LRRC43: variants seen among roughly 807,000 people sequenced by gnomAD.
The protein encoded by LRRC43 is leucine-rich repeat-containing protein 43.
LRRC43 carries 62 observed loss-of-function variants against 64.3 expected under a neutral mutation model. The observed-to-expected ratio is 0.96, with a 90% CI of 0.79 to 1.19. LRRC43 has a LOEUF of 1.19. Among genes scored for constraint, LRRC43 ranks in the 50% most tolerant of loss-of-function variants. The probability of loss-of-function intolerance (pLI) is 0.00; values close to 1 mark genes in which losing one functional copy is unlikely to be tolerated. For missense variants in LRRC43, 868 were observed against 845.0 expected, an observed-to-expected ratio of 1.03 and a Z score of -0.34; for synonymous variants, 422 against 382.3, an observed-to-expected ratio of 1.10 and a Z score of -1.21.
In LRRC43 at chr12:122,200,165, C is replaced by G. The variant is rs748784346; in HGVS notation, c.1350-24C>G. ...CACAGCCCCTGGGTGACGGCACCCC[C>G]GTCTTCATCCCTCCCTCCCCAAGGA... is the stretch of plus-strand genomic sequence containing the variant. On this transcript the variant is annotated intron_variant, in intron 7 of 11. Transcript: ENST00000339777. The surrounding 1 kb of genome is among the most constrained non-coding windows in gnomAD (Gnocchi z 4.6). The G allele has an allele frequency of 1.2e-6, 2 of 1,608,514 alleles. No individual in the cohort carries two copies. The highest frequency in any genetic ancestry group is 1.7e-6 in the Non-Finnish European group (2 of 1,177,074).
rs1953491579 is a variant in LRRC43, at chr12:122,172,240, A to C, written c.-406+4458A>C. 3 of 581,672 alleles carry C rather than the reference A, an allele frequency of 5.2e-6. No homozygotes were observed. In the East Asian group the frequency reaches 8.6e-5, roughly 17 times the overall value. 36.0% of individuals were successfully genotyped at this position (581,672 alleles called of 1,614,324 possible). A position where few individuals can be genotyped will look rare whatever the true frequency, so the allele number is the denominator to read the frequency against. On this transcript the variant is annotated intron_variant, in intron 1 of 5. Transcript: ENST00000537729. ...ACAATAACCTAATGTTTTTCAAGGT[A>C]ATTCACAAATTCACATCTCAGCCCT...
rs779702868 is a variant in LRRC43, at chr12:122,187,716, G to A, written c.538G>A (p.Gly180Ser). Residue 180 changes from glycine (G) to serine (S), a missense_variant, in exon 4 of 12, where the codon GGC becomes AGC. Transcript: ENST00000339777. Reference sequence around the variant, plus strand: ...GGTCTCCCAGGTGCTGGAGCTCTACGGCAATGAGATCAGCAGCATGGAGTG... The same window carrying A: ...GGTCTCCCAGGTGCTGGAGCTCTACAGCAATGAGATCAGCAGCATGGAGTG... ...PPTLKVLELY[G>S]NEISSMECLC... 31 of 1,613,556 alleles carry A rather than the reference G, an allele frequency of 1.9e-5. No homozygotes were observed. The East Asian group carries it at 3.8e-4, about 20-fold the overall frequency.
In LRRC43 at chr12:122,184,071, A is replaced by C. The variant is rs181303545; in HGVS notation, c.151-448A>C. On this transcript the variant is annotated intron_variant, in intron 1 of 11. Transcript: ENST00000339777. This position sits in a 1 kb window ranked among gnomAD's most constrained non-coding sequence, Gnocchi z 4.0. ...ATATCCATGGCTAATAATCCATCAA[A>C]ATTATTGATTATTCACTGTCTAGAT... Among the ~76,000 whole-genome samples the C allele has an allele frequency of 4.9e-4, 75 of 151,552 alleles. No individual in the cohort carries two copies. In the Middle Eastern group the frequency reaches 0.01, roughly 21 times the overall value.
In LRRC43 at chr12:122,200,509, C is replaced by T. The variant is rs763191519; in HGVS notation, c.1492-23C>T. 8.1e-6 allele frequency: 13 copies of T among 1,613,766 alleles called. No homozygotes were observed. In the Admixed American group the frequency reaches 1.0e-4, roughly 12 times the overall value. On this transcript the variant is annotated intron_variant, in intron 8 of 11. Transcript: ENST00000339777. The surrounding 1 kb of genome is among the most constrained non-coding windows in gnomAD (Gnocchi z 4.6). ...CAGCCCGCCTGGGCCTCTGCTCACTCGAGGATTCTCTCCTGCCCCTAGATT... is the reference window on the plus strand; with the variant it reads ...CAGCCCGCCTGGGCCTCTGCTCACTTGAGGATTCTCTCCTGCCCCTAGATT...
chr12:122,185,890 G>A (rs1953637691), intron 2 of LRRC43, among the ~76,000 whole-genome samples: 1 of 152,168 alleles, frequency 6.6e-6, no homozygotes, highest in Non-Finnish European at 1.5e-5. Context: ...GTGGCTCTGG[G>A]GTAGACAGAA....
chr12:122,174,103 C>T, intron 1 of LRRC43: 1 of 1,613,974 alleles, frequency 6.2e-7, no homozygotes, highest in South Asian at 1.1e-5. Flanking sequence ...CCAGAATCTT[C>T]CTGGTGAGAT....
intron 1 of LRRC43, among the ~76,000 whole-genome samples, chr12:122,171,716 G>A (rs1953486813): frequency 6.6e-6 from 1 of 151,510 alleles, no homozygotes; most frequent in Non-Finnish European, 1.5e-5. Flanking sequence ...TGTACCACCA[G>A]GGTCATTATT....
chr12:122,183,015 C>T, upstream of LRRC43: 2 of 1,366,302 alleles, frequency 1.5e-6, no homozygotes, highest in African/African-American at 3.1e-5. Flanking sequence ...GAAGAGAAAA[C>T]GCAGGTGGTT....
At position 122,184,692 on chromosome 12, in the gene LRRC43, G is replaced by C; in HGVS notation, c.324G>C (p.Leu108=). The C allele has an allele frequency of 6.2e-7, 1 of 1,613,944 alleles. No homozygotes were observed. The highest frequency in any genetic ancestry group is 8.5e-7 in the Non-Finnish European group (1 of 1,179,878). ...LNNSNAEDSF[L]RELAIRNPLT... The stretch of plus-strand genomic sequence containing the variant: ...ACTCGAATGCAGAAGACAGTTTCCT[G>C]AGAGAATTGGCCATCCGGAACCCGC... The change falls in exon 2 of 12, where the codon CTG becomes CTC. Residue 108 remains leucine, a synonymous_variant. Coordinates refer to ENST00000339777, the MANE Select transcript of LRRC43 (RefSeq NM_001098519.2). The surrounding 1 kb of genome is among the most constrained non-coding windows in gnomAD (Gnocchi z 4.0).
rs188803619 is a variant in LRRC43, at chr12:122,171,239, A to C, written c.-406+3457A>C. Among the ~76,000 whole-genome samples the C allele has an allele frequency of 3.9e-5, 6 of 152,354 alleles. No homozygotes were observed. In the East Asian group the frequency reaches 1.2e-3, roughly 29 times the overall value. On this transcript the variant is annotated intron_variant, in intron 1 of 5. Coordinates refer to the LRRC43 transcript ENST00000537729. ...AAGCCTGAGTAAGGCAGAGAAGCTC[A>C]GGCTGGAAACTGGGCTCCACCCCTT...
At chr12:122,170,097 A>G (rs889703340) in intron 1 of LRRC43, among the ~76,000 whole-genome samples, 1 of 152,142 alleles carries the variant, frequency 6.6e-6, no homozygotes, top group African/African-American at 2.4e-5. Flanking sequence ...GTGAGACACC[A>G]CGGCTGGCCC....
intron 1 of LRRC43, chr12:122,172,888 C>T: frequency 3.0e-6 from 2 of 677,544 alleles, no homozygotes; most frequent in Non-Finnish European, 5.0e-6. Flanking sequence ...TGTGCCATCA[C>T]CAACCCCATT....
chr12:122,196,392 G>A (rs1159826766), intron 7 of LRRC43, among the ~76,000 whole-genome samples: 1 of 152,044 alleles, frequency 6.6e-6, no homozygotes, highest in Non-Finnish European at 1.5e-5. Flanking sequence ...ATTAGCAAAC[G>A]CCAGTCATCC....
chr12:122,194,060 T>C (rs11060333), intron 7 of LRRC43, among the ~76,000 whole-genome samples: 33,860 of 152,156 alleles, frequency 0.22, 5,118 homozygotes, highest in East Asian at 0.71. Context: ...TTTTTTGTGC[T>C]ACTTTTGTTA....
At chr12:122,185,026 T>C (rs1257368861) in intron 2 of LRRC43, among the ~76,000 whole-genome samples, 4 of 152,208 alleles carry the variant, frequency 2.6e-5, no homozygotes, top group African/African-American at 9.6e-5. Flanking sequence ...CACCCCTGAG[T>C]TCTGCAGTGG....
intron 5 of LRRC43, among the ~76,000 whole-genome samples, chr12:122,190,601 G>A (rs915399639): frequency 1.3e-5 from 2 of 152,206 alleles, no homozygotes; most frequent in Non-Finnish European, 2.9e-5. Flanking sequence ...GGTGGCTAAC[G>A]CCTGTAATCC....
chr12:122,168,290 A>T (rs1953457602), intron 1 of LRRC43, among the ~76,000 whole-genome samples: 1 of 151,462 alleles, frequency 6.6e-6, no homozygotes, highest in Non-Finnish European at 1.5e-5. Context: ...AAACTATAAA[A>T]ATTAGCTGGG....
intron 6 of LRRC43, among the ~76,000 whole-genome samples, chr12:122,192,144 T>TG (rs1566010657): frequency 6.8e-6 from 1 of 147,592 alleles, no homozygotes; most frequent in African/African-American, 2.6e-5. Flanking sequence ...TATTTCTTTT[T>TG]TGTGTGTGTG....
intron 5 of LRRC43, 79 bp downstream of exon 5, chr12:122,190,447 C>A: frequency 8.8e-7 from 1 of 1,135,672 alleles, no homozygotes; most frequent in Non-Finnish European, 1.3e-6. Context: ...CCTCCTGGGT[C>A]CGTGTACCCG....
Sources: allele counts gnomAD v4.1 joint callset (sites outside exome capture counted in the v4.1 genomes callset), GRCh38; gene constraint gnomAD v4.1.1; non-coding constraint Gnocchi (gnomAD v3.1); transcripts MANE v1.5; gene names NCBI Gene and HGNC (gene_info 2026-07-23, HGNC 2026-07-21).